VSNL1: variants seen among roughly 807,000 people sequenced by gnomAD.
The protein encoded by VSNL1 is visinin-like protein 1.
VSNL1 carries 6 observed loss-of-function variants against 20.4 expected under a neutral mutation model. That is an observed-to-expected ratio of 0.29 (90% CI 0.16 to 0.58). The LOEUF (loss-of-function observed/expected upper bound fraction) is 0.58, where lower values mean the gene tolerates loss of function less well. Ranked by LOEUF, VSNL1 falls within the 20% of genes least tolerant of loss-of-function variation. VSNL1 has a pLI of 0.90. For synonymous variants in VSNL1, 93 were observed against 86.4 expected, an observed-to-expected ratio of 1.08 and a Z score of -0.42; for missense variants, 100 against 234.5, an observed-to-expected ratio of 0.43 and a Z score of 3.75.
chr2:17,632,587 C>T (rs1665661322), intron 2 of VSNL1, among the ~76,000 whole-genome samples: 1 of 152,346 alleles, frequency 6.6e-6, no homozygotes, highest in East Asian at 1.9e-4. Flanking sequence ...GCATGAGCCA[C>T]TGTGCCTGGC....
intron 1 of VSNL1, among the ~76,000 whole-genome samples, chr2:17,542,458 G>C (rs533390977): frequency 3.8e-4 from 58 of 152,216 alleles, no homozygotes; most frequent in Admixed American, 2.4e-3. Flanking sequence ...GGGTGTGGGG[G>C]CCATCAAATA....
At chr2:17,603,753 A>G (rs1339856487) in intron 2 of VSNL1, among the ~76,000 whole-genome samples, 1 of 152,236 alleles carries the variant, frequency 6.6e-6, no homozygotes, top group South Asian at 2.1e-4. Flanking sequence ...TTAGAGGACA[A>G]TGGAAATTCT....
At position 17,589,384 on chromosome 2, in the gene VSNL1, T is replaced by A. The variant is rs540487986; in HGVS notation, c.-5-2686T>A. 2.6e-5 allele frequency among the ~76,000 whole-genome samples: 4 copies of A among 152,096 alleles called. No individual in the cohort carries two copies. In the South Asian group the frequency reaches 6.2e-4, roughly 24 times the overall value. ...AGTACAGAGGCTTTTAGAGAGTAGA[T>A]CAATGAGGTTTGTATTCTGGAAATT... On this transcript the variant is annotated intron_variant, in intron 1 of 3. Coordinates refer to ENST00000295156, the MANE Select transcript of VSNL1 (RefSeq NM_003385.5).
rs557644442 is a variant in VSNL1, at chr2:17,564,635, G to C, written c.-6+23717G>C. On this transcript the variant is annotated intron_variant, in intron 1 of 3. Transcript: ENST00000295156. ...ATTTCTCAAGTTGCTTTACAAATTT[G>C]TGTTAAACGGCTGTGCCTAGTATCT... is the stretch of plus-strand genomic sequence containing the variant. Among the ~76,000 whole-genome samples, 7 of 152,004 alleles carry C rather than the reference G, an allele frequency of 4.6e-5. No homozygotes were observed. The South Asian group carries it at 8.3e-4, about 18-fold the overall frequency.
At chr2:17,605,582 T>C (rs1218253457) in intron 2 of VSNL1, among the ~76,000 whole-genome samples, 2 of 152,160 alleles carry the variant, frequency 1.3e-5, no homozygotes, top group Non-Finnish European at 2.9e-5. Context: ...TCTCGGAGAA[T>C]ACAATTTTCC....
At chr2:17,623,037 T>C (rs1222035502) in intron 2 of VSNL1, among the ~76,000 whole-genome samples, 3 of 152,188 alleles carry the variant, frequency 2.0e-5, no homozygotes, top group Non-Finnish European at 4.4e-5. Context: ...TTTATCTGTC[T>C]CAGTAATCCA....
At chr2:17,546,160 A>C (rs1472099032) in intron 1 of VSNL1, 1 of 152,044 alleles carries the variant, frequency 6.6e-6, no homozygotes. Flanking sequence ...TCTTTTACTT[A>C]AAAACGATTT....
intron 1 of VSNL1, among the ~76,000 whole-genome samples, chr2:17,572,348 A>C (rs957933530): frequency 2.6e-5 from 4 of 152,188 alleles, no homozygotes; most frequent in Non-Finnish European, 2.9e-5. Context: ...CGCATGCAGT[A>C]GGATAAATGA....
chr2:17,564,584 C>A (rs1366365589), intron 1 of VSNL1, among the ~76,000 whole-genome samples: 1 of 150,906 alleles, frequency 6.6e-6, no homozygotes, highest in African/African-American at 2.4e-5. Flanking sequence ...GTTTTTTTTT[C>A]TATTTTAGAA....
At chr2:17,641,328 A>ACC (rs1665878457) in intron 2 of VSNL1, among the ~76,000 whole-genome samples, 1 of 152,238 alleles carries the variant, frequency 6.6e-6, no homozygotes, top group Non-Finnish European at 1.5e-5. Context: ...CCAAGCTACT[A>ACC]CCAAGCACCT....
At chr2:17,611,398 C>T (rs1665082584) in intron 2 of VSNL1, among the ~76,000 whole-genome samples, 1 of 152,258 alleles carries the variant, frequency 6.6e-6, no homozygotes, top group African/African-American at 2.4e-5. Flanking sequence ...ATGATGGAGA[C>T]AGCAATGCCT....
chr2:17,605,914 A>G (rs371788264), intron 2 of VSNL1, among the ~76,000 whole-genome samples: 2 of 152,246 alleles, frequency 1.3e-5, no homozygotes, highest in African/African-American at 4.8e-5. Context: ...TAATAGACAG[A>G]GAATACTAGC....
At position 17,656,434 on chromosome 2, in the gene VSNL1, G is replaced by A. The variant is rs1449269924; in HGVS notation, c.*1040G>A. On this transcript the variant is annotated 3_prime_UTR_variant, in exon 4 of 4. Transcript: ENST00000295156. ...TTCTATGACAATAAATTTTATCTCA[G>A]TGTGACTTTGGTGCTAACAACGTAT... The A allele has an allele frequency of 1.3e-5, 2 of 152,160 alleles. No homozygotes were observed. The highest frequency in any genetic ancestry group is 2.4e-5 in the African/African-American group (1 of 41,434). The allele number at this position is 152,160 out of a possible 1,614,324, so 9.4% of individuals were successfully genotyped here.
chr2:17,632,602 CAAT>C (rs1360113596), intron 2 of VSNL1, among the ~76,000 whole-genome samples: 1 of 152,134 alleles, frequency 6.6e-6, no homozygotes, highest in African/African-American at 2.4e-5. Flanking sequence ...CCTGGCCAAA[CAAT>C]GATCACTCTT....
rs1266001930 is a variant in VSNL1 at position 17,613,754 on chromosome 2, C to T, written c.162+21518C>T. Among the ~76,000 whole-genome samples, 3 of 152,198 alleles carry T rather than the reference C, an allele frequency of 2.0e-5. 1 individual carries two copies. Among genetic ancestry groups the T allele is most frequent in the South Asian group, 4.1e-4 (2 of 4,832 alleles). On this transcript the variant is annotated intron_variant, in intron 2 of 3. Transcript: ENST00000295156. Reference sequence around the variant, plus strand: ...GTCCAGACCTCATTCACCCATCTTTCCACGTTTCATCCTGTTGTCCATAAG... The same window carrying T: ...GTCCAGACCTCATTCACCCATCTTTTCACGTTTCATCCTGTTGTCCATAAG...
rs532409105 is a variant in VSNL1 at position 17,563,005 on chromosome 2, C to T, written c.-6+22087C>T. Among the ~76,000 whole-genome samples the T allele has an allele frequency of 8.3e-4, 127 of 152,228 alleles. 1 individual carries two copies. Among genetic ancestry groups the T allele is most frequent in the Admixed American group, 8.2e-3 (126 of 15,288 alleles). On this transcript the variant is annotated intron_variant, in intron 1 of 3. Coordinates refer to ENST00000295156, the MANE Select transcript of VSNL1 (RefSeq NM_003385.5). ...GACTCAACCTTGATTGCCATCTCTG[C>T]CTAAAAACAGCTTAACACTACCTCC...
intron 2 of VSNL1, among the ~76,000 whole-genome samples, chr2:17,603,336 G>T (rs2555082): frequency 0.076 from 11,595 of 152,234 alleles, 1,257 homozygotes; most frequent in African/African-American, 0.24. Context: ...CTTTCTTGCT[G>T]TGTCCTCACA....
intron 1 of VSNL1, among the ~76,000 whole-genome samples, chr2:17,546,461 T>G (rs1295818251): frequency 6.6e-6 from 1 of 151,906 alleles, no homozygotes; most frequent in Non-Finnish European, 1.5e-5. Context: ...GAAACCTGGG[T>G]GAATTTTTTC....
intron 2 of VSNL1, among the ~76,000 whole-genome samples, chr2:17,637,395 G>A (rs1398882384): frequency 6.6e-6 from 1 of 152,230 alleles, no homozygotes; most frequent in Admixed American, 6.5e-5. Flanking sequence ...CTGGGCCCTT[G>A]CTCCCCCTTA....
Sources: allele counts gnomAD v4.1 joint callset (sites outside exome capture counted in the v4.1 genomes callset), GRCh38; gene constraint gnomAD v4.1.1; transcripts MANE v1.5; gene names NCBI Gene and HGNC (gene_info 2026-07-23, HGNC 2026-07-21).